Variants in DCTN5 observed in about 807,000 individuals in gnomAD.
DCTN5 encodes the protein dynactin 4.
In DCTN5, 14 loss-of-function variants were observed where a neutral mutation model predicts 23.5. That is an observed-to-expected ratio of 0.60 (90% CI 0.39 to 0.93). DCTN5 has a LOEUF of 0.93. Ranked by LOEUF, DCTN5 falls within the 40% of genes least tolerant of loss-of-function variation. DCTN5 has a pLI of 0.00. For synonymous variants in DCTN5, 67 were observed against 79.6 expected (o/e 0.84, Z 0.84); for missense variants, 156 against 225.9 (o/e 0.69, Z 1.98).
chr16:23,657,967 C>T (rs1232149472), intron 2 of DCTN5, among the ~76,000 whole-genome samples: 1 of 152,162 alleles, frequency 6.6e-6, no homozygotes, highest in Non-Finnish European at 1.5e-5. Flanking sequence ...GGCATTAATC[C>T]TCCCAGACTT....
rs762981259 is a variant in DCTN5, at chr16:23,667,105, G to A, written c.510G>A (p.Lys170=). The part of the protein sequence containing the change: ...CTQELMIDVT[K]SYYQKFLPLT... Reference sequence around the variant, plus strand: ...AGGAGCTGATGATTGACGTCACCAAGAGCTACTACCAGAAGTTTTTGCCCC... The same window carrying A: ...AGGAGCTGATGATTGACGTCACCAAAAGCTACTACCAGAAGTTTTTGCCCC... Residue 170 remains lysine, a synonymous_variant, in exon 6 of 6, where the codon AAG becomes AAA. Coordinates refer to ENST00000300087, the MANE Select transcript of DCTN5 (RefSeq NM_032486.4). 1 of 1,613,212 alleles carries A rather than the reference G, an allele frequency of 6.2e-7. No homozygotes were observed. Among genetic ancestry groups the A allele is most frequent in the Non-Finnish European group, 8.5e-7 (1 of 1,180,024 alleles).
chr16:23,659,039 C>G (rs1967764164), intron 3 of DCTN5, among the ~76,000 whole-genome samples: 1 of 152,132 alleles, frequency 6.6e-6, no homozygotes, highest in South Asian at 2.1e-4. Flanking sequence ...TTTCTACTTG[C>G]CTTTTCTCTC....
intron 3 of DCTN5, among the ~76,000 whole-genome samples, chr16:23,659,797 G>A (rs1314964755): frequency 1.3e-5 from 2 of 152,252 alleles, no homozygotes; most frequent in South Asian, 2.1e-4. Context: ...TAGCTTTGAA[G>A]GCTACTAGGG....
chr16:23,665,444 A>G (rs955653594), intron 4 of DCTN5, among the ~76,000 whole-genome samples, 182 bp from the exon 5 acceptor site: 1 of 152,210 alleles, frequency 6.6e-6, no homozygotes, highest in African/African-American at 2.4e-5. Context: ...AATGTACACA[A>G]ACACACACTC....
In DCTN5 at chr16:23,676,715, C is replaced by G. The variant is rs560288961; in HGVS notation, c.*9571C>G. The G allele has an allele frequency of 2.6e-5, 4 of 152,184 alleles. No homozygotes were observed. The highest frequency in any genetic ancestry group is 9.6e-5 in the African/African-American group (4 of 41,496). 9.4% of individuals were successfully genotyped at this position (152,184 alleles called of 1,614,324 possible). On this transcript the variant is annotated 3_prime_UTR_variant, in exon 6 of 6. Coordinates refer to ENST00000300087, the MANE Select transcript of DCTN5 (RefSeq NM_032486.4). The stretch of plus-strand genomic sequence containing the variant: ...TTGGTCTCACCCTTTTGCATGTGGT[C>G]CTACTAATAATAATTTTGCTGTAAA...
rs771048335 is a variant in DCTN5, at chr16:23,669,168, C to T, written c.*2024C>T. The T allele has an allele frequency of 6.6e-6, 1 of 152,548 alleles. No individual in the cohort carries two copies. The highest frequency in any genetic ancestry group is 1.5e-5 in the Non-Finnish European group (1 of 68,038). 9.4% of individuals were successfully genotyped at this position (152,548 alleles called of 1,614,324 possible). ...TTTATAACCCTGGAGATGAAAATCT[C>T]CTTGTCCTCAAAATACTTCCAGAAG... On this transcript the variant is annotated 3_prime_UTR_variant, in exon 6 of 6. Transcript: ENST00000300087.
At chr16:23,666,682 T>C (rs1408197462) in intron 5 of DCTN5, 1 of 365,068 alleles carries the variant, frequency 2.7e-6, no homozygotes, top group East Asian at 5.1e-5. Flanking sequence ...CACTGAGTGG[T>C]TTAATTGTTT....
intron 1 of DCTN5, among the ~76,000 whole-genome samples, chr16:23,642,042 C>T (rs1967287979): frequency 1.3e-5 from 2 of 152,172 alleles, no homozygotes; most frequent in Non-Finnish European, 2.9e-5. Flanking sequence ...AGCGATTCTC[C>T]TGCCTCAGCG....
chr16:23,668,688 G>A lies in DCTN5; in HGVS notation c.*1544G>A, dbSNP rs538510718. 1 of 152,352 alleles carries A rather than the reference G, an allele frequency of 6.6e-6. No individual in the cohort carries two copies. Among genetic ancestry groups the A allele is most frequent in the South Asian group, 2.1e-4 (1 of 4,828 alleles). 9.4% of individuals were successfully genotyped at this position (152,352 alleles called of 1,614,324 possible). On this transcript the variant is annotated 3_prime_UTR_variant, in exon 6 of 6. Coordinates refer to ENST00000300087, the MANE Select transcript of DCTN5 (RefSeq NM_032486.4). ...GGGAGACAACAAGCAGACTCAACCA[G>A]GCCTCTTTGTTGGCTTCCTTTCCTC...
Position 23,669,192 on chromosome 16 carries a change from A to G in DCTN5, c.*2048A>G, listed in dbSNP as rs368165765. On this transcript the variant is annotated 3_prime_UTR_variant, in exon 6 of 6. Coordinates refer to ENST00000300087, the MANE Select transcript of DCTN5 (RefSeq NM_032486.4). ...TCCTTGTCCTCAAAATACTTCCAGA[A>G]GAACAACCAGATGGGAAGGACCTTG... 6 of 152,664 alleles carry G rather than the reference A, an allele frequency of 3.9e-5. No individual in the cohort carries two copies. The highest frequency in any genetic ancestry group is 1.4e-4 in the African/African-American group (6 of 41,560). 9.5% of individuals were successfully genotyped at this position (152,664 alleles called of 1,614,324 possible).
chr16:23,645,152 A>C (rs1286099410), intron 2 of DCTN5, among the ~76,000 whole-genome samples: 1 of 33,122 alleles, frequency 3.0e-5, no homozygotes, highest in African/African-American at 1.1e-4. Flanking sequence ...TTTTTTTTTT[A>C]ATACGCAGTT....
chr16:23,645,116 TATATATATATATATATA>T lies in DCTN5; in HGVS notation c.117+2094_117+2110del, dbSNP rs1372791762. ...ATATATATATATATATATATATATATATATATATATATATATATATATTTTTTTTTTTTTTAATACGC... is the reference window on the plus strand; with the variant it reads ...ATATATATATATATATATATATATATTATATTTTTTTTTTTTTTAATACGC... On this transcript the variant is annotated intron_variant, in intron 2 of 5. Transcript: ENST00000300087. Among the ~76,000 whole-genome samples, 37 of 41,726 alleles carry T rather than the reference TATATATATATATATATA, an allele frequency of 8.9e-4. 3 individuals carry two copies. Among genetic ancestry groups the T allele is most frequent in the Admixed American group, 2.3e-3 (8 of 3,460 alleles). 27.4% of individuals were successfully genotyped at this position (41,726 alleles called of 152,430 possible).
At chr16:23,652,383 C>T (rs1967621905) in intron 2 of DCTN5, among the ~76,000 whole-genome samples, 1 of 152,144 alleles carries the variant, frequency 6.6e-6, no homozygotes, top group Non-Finnish European at 1.5e-5. Context: ...AATTGCTTAC[C>T]CTATTGTAAA....
intron 4 of DCTN5, among the ~76,000 whole-genome samples, chr16:23,663,376 CTG>C (rs1967849715): frequency 6.6e-6 from 1 of 152,218 alleles, no homozygotes; most frequent in Non-Finnish European, 1.5e-5. Flanking sequence ...AGCAGCACGG[CTG>C]CAGTTGTTAA....
chr16:23,646,702 A>G (rs113196834), intron 2 of DCTN5, among the ~76,000 whole-genome samples: 9,607 of 151,776 alleles, frequency 0.063, 640 homozygotes, highest in African/African-American at 0.16. Context: ...TCAGCCTCCC[A>G]AGTAGCTGGG....
At chr16:23,645,137 ATTTT>A (rs869033729) in intron 2 of DCTN5, among the ~76,000 whole-genome samples, 22 of 30,798 alleles carry the variant, frequency 7.1e-4, no homozygotes, top group East Asian at 4.6e-3. Context: ...ATATATATAT[ATTTT>A]TTTTTTTTTT....
At chr16:23,645,118 TATATATATATATA>T (rs1247281150) in intron 2 of DCTN5, among the ~76,000 whole-genome samples, 430 of 42,456 alleles carry the variant, frequency 0.01, 21 homozygotes, top group Non-Finnish European at 0.015. Context: ...TATATATATA[TATATATATATATA>T]TATATATTTT....
intron 2 of DCTN5, among the ~76,000 whole-genome samples, chr16:23,643,995 T>C (rs1221716051): frequency 1.3e-5 from 2 of 152,066 alleles, no homozygotes; most frequent in Admixed American, 1.3e-4. Flanking sequence ...AGAAGGAAAA[T>C]AGTCTCCTTA....
At chr16:23,650,801 A>G (rs1967588023) in intron 2 of DCTN5, 1 of 1,529,620 alleles carries the variant, frequency 6.5e-7, no homozygotes, top group South Asian at 1.2e-5. Flanking sequence ...CAGATGTCAC[A>G]GTGCCTGCAG....
Sources: allele counts gnomAD v4.1 joint callset (sites outside exome capture counted in the v4.1 genomes callset), GRCh38; gene constraint gnomAD v4.1.1; transcripts MANE v1.5; gene names NCBI Gene and HGNC (gene_info 2026-07-23, HGNC 2026-07-21).